Variants in SMOC2 observed in about 807,000 individuals in gnomAD.
SMOC2 encodes the protein SPARC related modular calcium binding 2, also known as SPARC-related modular calcium-binding protein 2.
Under a neutral mutation model 61.4 loss-of-function variants are expected in SMOC2, and 39 were observed. That is an observed-to-expected ratio of 0.64 (90% CI 0.49 to 0.83). SMOC2 has a LOEUF of 0.83. SMOC2 is among the 40% of genes least tolerant of loss of function. SMOC2 has a pLI of 0.00. For missense variants in SMOC2, 556 were observed against 592.9 expected, an observed-to-expected ratio of 0.94 and a Z score of 0.65; for synonymous variants, 247 against 239.9, an observed-to-expected ratio of 1.03 and a Z score of -0.27.
At chr6:168,523,233 C>T (rs1238279096) in intron 2 of SMOC2, among the ~76,000 whole-genome samples, 4 of 147,016 alleles carry the variant, frequency 2.7e-5, no homozygotes, top group East Asian at 4.0e-4. Flanking sequence ...GGACTACAGG[C>T]GCCCGCCACC....
At chr6:168,659,531 GA>G (rs1787424372) in intron 11 of SMOC2, among the ~76,000 whole-genome samples, 1 of 151,054 alleles carries the variant, frequency 6.6e-6, no homozygotes, top group Non-Finnish European at 1.5e-5. Flanking sequence ...GTTGGGTGAG[GA>G]TGGAGGTTGT....
chr6:168,483,336 T>C (rs1452237538), intron 1 of SMOC2, among the ~76,000 whole-genome samples: 2 of 152,022 alleles, frequency 1.3e-5, no homozygotes, highest in Non-Finnish European at 2.9e-5. Flanking sequence ...AACAATTCTG[T>C]TCAAAATAAT....
intron 7 of SMOC2, among the ~76,000 whole-genome samples, chr6:168,565,869 G>A (rs1784530108): frequency 6.6e-6 from 1 of 152,148 alleles, no homozygotes; most frequent in African/African-American, 2.4e-5. Flanking sequence ...AGTGAAAGAG[G>A]TTTGGGGGAT....
chr6:168,482,115 A>G (rs1291553619), intron 1 of SMOC2, among the ~76,000 whole-genome samples: 2 of 151,948 alleles, frequency 1.3e-5, no homozygotes, highest in Non-Finnish European at 2.9e-5. Flanking sequence ...GGTTCTTTGA[A>G]AAGATCAATA....
chr6:168,613,881 C>T (rs530533071), intron 9 of SMOC2, among the ~76,000 whole-genome samples: 78 of 101,224 alleles, frequency 7.7e-4, no homozygotes, highest in African/African-American at 3.1e-3. Flanking sequence ...ACAGCCAGCA[C>T]AGGACCTCTT....
chr6:168,497,146 C>A (rs181151619), intron 1 of SMOC2, among the ~76,000 whole-genome samples: 1 of 152,338 alleles, frequency 6.6e-6, no homozygotes, highest in Non-Finnish European at 1.5e-5. Flanking sequence ...TGGTTAAGGG[C>A]CCTGGTTGGA....
intron 1 of SMOC2, among the ~76,000 whole-genome samples, chr6:168,493,628 A>G (rs1190882238): frequency 6.6e-6 from 1 of 152,218 alleles, no homozygotes; most frequent in African/African-American, 2.4e-5. Flanking sequence ...GTCTAATAGT[A>G]TTGCAACTTA....
chr6:168,599,520 T>TCA, intron 8 of SMOC2, among the ~76,000 whole-genome samples: 1 of 25,188 alleles, frequency 4.0e-5, no homozygotes, highest in Admixed American at 5.7e-4. Context: ...ACACACACAC[T>TCA]CATACCCCCA....
rs2763223 is a variant in SMOC2, at chr6:168,461,894, A to T, written c.84+20440A>T. Among the ~76,000 whole-genome samples, 8 of 152,174 alleles carry T rather than the reference A, an allele frequency of 5.3e-5. No homozygotes were observed. In the South Asian group the frequency reaches 1.0e-3, roughly 20 times the overall value. On this transcript the variant is annotated intron_variant, in intron 1 of 12. Coordinates refer to ENST00000356284, the MANE Select transcript of SMOC2 (RefSeq NM_001166412.2). ...TGAGAAGCTGTGATATTTTAAGTCA[A>T]GGATACGATGTGCATCACTAGGCTC...
chr6:168,612,225 G>A (rs1028851396), intron 9 of SMOC2, among the ~76,000 whole-genome samples: 1 of 148,520 alleles, frequency 6.7e-6, no homozygotes, highest in Non-Finnish European at 1.5e-5. Context: ...TCGGGGAGAG[G>A]GTGACTGCAG....
intron 1 of SMOC2, among the ~76,000 whole-genome samples, chr6:168,507,411 A>G (rs1340955289): frequency 6.6e-6 from 1 of 152,156 alleles, no homozygotes; most frequent in African/African-American, 2.4e-5. Context: ...TCTCAGTGCA[A>G]AGCTGTGCTG....
intron 1 of SMOC2, among the ~76,000 whole-genome samples, chr6:168,448,425 C>T (rs58243330): frequency 7.4e-5 from 7 of 94,668 alleles, no homozygotes; most frequent in African/African-American, 1.7e-4. Context: ...ATGGGGAGGA[C>T]GATGATGGGG....
chr6:168,653,013 A>G lies in SMOC2; in HGVS notation c.1070A>G (p.Lys357Arg). 1 of 1,614,146 alleles carries G rather than the reference A, an allele frequency of 6.2e-7. No homozygotes were observed. Reference sequence around the variant, plus strand: ...GAGCGGGTGGTGCACTGGTACTTCAAACTACTGGATAAAAACTCCAGTGGA... The same window carrying G: ...GAGCGGGTGGTGCACTGGTACTTCAGACTACTGGATAAAAACTCCAGTGGA... ...LEERVVHWYF[K>R]LLDKNSSGDI... The change falls in exon 11 of 13, where the codon AAA becomes AGA. Residue 357 changes from lysine (K) to arginine (R), a missense_variant. Coordinates refer to ENST00000356284, the MANE Select transcript of SMOC2 (RefSeq NM_001166412.2).
chr6:168,500,705 C>T (rs1368437481), intron 1 of SMOC2, among the ~76,000 whole-genome samples: 1 of 152,168 alleles, frequency 6.6e-6, no homozygotes, highest in Non-Finnish European at 1.5e-5. Flanking sequence ...CTTCTCTACC[C>T]CCCGAGGAGG....
At chr6:168,445,869 T>C (rs1781321278) in intron 1 of SMOC2, among the ~76,000 whole-genome samples, 1 of 152,110 alleles carries the variant, frequency 6.6e-6, no homozygotes, top group African/African-American at 2.4e-5. Context: ...GCAATTGCAG[T>C]CCCTAACAAG....
At chr6:168,516,515 A>C (rs1562565172) in intron 2 of SMOC2, among the ~76,000 whole-genome samples, 1 of 152,188 alleles carries the variant, frequency 6.6e-6, no homozygotes, top group African/African-American at 2.4e-5. Flanking sequence ...TGAAGGGAAC[A>C]TGGTGACAAA....
chr6:168,451,622 T>TCTCTCTCTCC (rs1781468317), intron 1 of SMOC2, among the ~76,000 whole-genome samples: 1 of 151,542 alleles, frequency 6.6e-6, no homozygotes, highest in Non-Finnish European at 1.5e-5. Flanking sequence ...TCTCTCTCTC[T>TCTCTCTCTCC]CTCTCTCCCT....
chr6:168,624,785 A>C (rs746338659), intron 9 of SMOC2, among the ~76,000 whole-genome samples: 2 of 151,870 alleles, frequency 1.3e-5, no homozygotes, highest in Non-Finnish European at 2.9e-5. Context: ...ACAACAATAC[A>C]GATACACACA....
At chr6:168,599,171 TCACA>T (rs571180322) in intron 8 of SMOC2, among the ~76,000 whole-genome samples, 167 bp downstream of exon 8, 3,208 of 93,652 alleles carry the variant, frequency 0.034, 122 homozygotes, top group African/African-American at 0.11. Context: ...ACCCACGCTC[TCACA>T]CACACCCACA....
Sources: gnomAD v4.1 joint callset for allele counts (sites outside exome capture counted in the v4.1 genomes callset) on GRCh38, gnomAD v4.1.1 for gene constraint, MANE v1.5 for transcripts, NCBI Gene and HGNC (gene_info 2026-07-23, HGNC 2026-07-21) for gene names.